NFIX: variants seen among roughly 807,000 people sequenced by gnomAD.
NFIX encodes the protein nuclear factor I X.
A neutral mutation model predicts 53.3 loss-of-function variants in NFIX; 2 were observed. The ratio of observed to expected loss-of-function variants is 0.04; its 90% CI spans 0.02 to 0.12. The LOEUF is 0.12. Among genes scored for constraint, NFIX ranks in the 10% least tolerant of loss-of-function variants. The probability of loss-of-function intolerance (pLI) is 1.00; values close to 1 mark genes in which losing one functional copy is unlikely to be tolerated. For missense variants in NFIX, 310 were observed against 674.5 expected, an observed-to-expected ratio of 0.46 and a Z score of 5.99; for synonymous variants, 244 against 289.0, an observed-to-expected ratio of 0.84 and a Z score of 1.58.
At chr19:13,080,352 C>T (rs2017384943) in intron 7 of NFIX, among the ~76,000 whole-genome samples, 1 of 152,148 alleles carries the variant, frequency 6.6e-6, no homozygotes, top group African/African-American at 2.4e-5. Flanking sequence ...CTTGAACTCC[C>T]AGACTCAAGT....
At chr19:13,031,958 T>G (rs371227720) in intron 2 of NFIX, among the ~76,000 whole-genome samples, 1 of 151,532 alleles carries the variant, frequency 6.6e-6, no homozygotes, top group African/African-American at 2.4e-5. Flanking sequence ...CTCTTTGCCC[T>G]GTCCGTCCCA....
At chr19:13,074,410 C>T (rs879763461) in intron 5 of NFIX, among the ~76,000 whole-genome samples, 6 of 152,270 alleles carry the variant, frequency 3.9e-5, no homozygotes, top group East Asian at 1.9e-4. Flanking sequence ...CACAGGCTGG[C>T]GGGGCACCCT....
At chr19:13,039,013 G>T (rs1317187568) in intron 2 of NFIX, among the ~76,000 whole-genome samples, 5 of 152,158 alleles carry the variant, frequency 3.3e-5, no homozygotes, top group Admixed American at 3.3e-4. Context: ...AACAGTGCTG[G>T]CTCCGAACAC....
chr19:13,068,836 A>G lies in NFIX; in HGVS notation c.560-4211A>G, dbSNP rs2016589365. ...TCTCACGAGTAGCCCAGGTCCCCAGAGAAGGACAGCCCGCAGAGCTGCGTG... is the reference window on the plus strand; with the variant it reads ...TCTCACGAGTAGCCCAGGTCCCCAGGGAAGGACAGCCCGCAGAGCTGCGTG... On this transcript the variant is annotated intron_variant, in intron 2 of 10. Transcript: ENST00000592199. The surrounding 1 kb of genome is among the most constrained non-coding windows in gnomAD (Gnocchi z 4.2). Among the ~76,000 whole-genome samples, 1 of 152,188 alleles carries G rather than the reference A, an allele frequency of 6.6e-6. No homozygotes were observed. The highest frequency in any genetic ancestry group is 1.5e-5 in the Non-Finnish European group (1 of 68,022).
rs1239022933 is a variant in NFIX, at chr19:13,013,595, A to C, written c.28-11426A>C. 1 of 148,428 alleles carries C rather than the reference A, an allele frequency of 6.7e-6. No individual in the cohort carries two copies. 9.2% of individuals were successfully genotyped at this position (148,428 alleles called of 1,614,324 possible). ...ACCCCCCGCCCCAAGCTCCCAGACC[A>C]CACTTAGCTTTTTTTTTCCCCCCTT... On this transcript the variant is annotated intron_variant, in intron 1 of 10. Transcript: ENST00000592199. This position sits in a 1 kb window ranked among gnomAD's most constrained non-coding sequence, Gnocchi z 5.9.
At chr19:13,000,405 C>T (rs754343807) in intron 1 of NFIX, among the ~76,000 whole-genome samples, 1 of 152,078 alleles carries the variant, frequency 6.6e-6, no homozygotes, top group South Asian at 2.1e-4. Flanking sequence ...CCATAGATAT[C>T]CAAGTGGACT....
chr19:13,034,420 A>G (rs2014033118), intron 2 of NFIX, among the ~76,000 whole-genome samples: 1 of 152,188 alleles, frequency 6.6e-6, no homozygotes, highest in African/African-American at 2.4e-5. Flanking sequence ...GACAGGGGCC[A>G]GGTTGGCTGG....
chr19:13,090,508 T>C lies in NFIX; in HGVS notation c.1494+118T>C. On this transcript the variant is annotated intron_variant, in intron 10 of 10. Coordinates refer to ENST00000592199, the MANE Select transcript of NFIX (RefSeq NM_001365902.3). The surrounding 1 kb of genome is among the most constrained non-coding windows in gnomAD (Gnocchi z 6.6). Reference sequence around the variant, plus strand: ...TGGGGCTAACAGGGAGAGAGAGGTCTGAGGTGGGGCTGGAGGGCCCAGGCT... The same window carrying C: ...TGGGGCTAACAGGGAGAGAGAGGTCCGAGGTGGGGCTGGAGGGCCCAGGCT... 1 of 998,816 alleles carries C rather than the reference T, an allele frequency of 1.0e-6. No individual in the cohort carries two copies. Among genetic ancestry groups the C allele is most frequent in the Non-Finnish European group, 1.6e-6 (1 of 638,376 alleles). The allele number at this position is 998,816 out of a possible 1,614,324, so 61.9% of individuals were successfully genotyped here.
At chr19:13,038,731 G>A (rs1016948361) in intron 2 of NFIX, among the ~76,000 whole-genome samples, 6 of 152,220 alleles carry the variant, frequency 3.9e-5, no homozygotes, top group African/African-American at 4.8e-5. Context: ...CATGCATAGC[G>A]TGGCCAACTG....
In NFIX at chr19:13,037,372, A is replaced by G. The variant is rs567702355; in HGVS notation, c.559+11820A>G. 6.6e-6 allele frequency among the ~76,000 whole-genome samples: 1 copy of G among 152,348 alleles called. No individual in the cohort carries two copies. Among genetic ancestry groups the G allele is most frequent in the Admixed American group, 6.5e-5 (1 of 15,308 alleles). ...GTAGTAGGCCAGTTTCAGCCTTAGT[A>G]ATCTAAGAAATATGTGAGCAATTTG... is the stretch of plus-strand genomic sequence containing the variant. On this transcript the variant is annotated intron_variant, in intron 2 of 10. Transcript: ENST00000592199. This position sits in a 1 kb window ranked among gnomAD's most constrained non-coding sequence, Gnocchi z 4.2.
rs1207826122 is a variant in NFIX, at chr19:13,067,459, CGCGCGTGTGTGTGTGTGTGTGTGCGT to C, written c.560-5586_560-5561del. 7.1e-6 allele frequency among the ~76,000 whole-genome samples: 1 copy of C among 141,384 alleles called. No homozygotes were observed. The highest frequency in any genetic ancestry group is 1.5e-5 in the Non-Finnish European group (1 of 66,018). 92.8% of individuals were successfully genotyped at this position (141,384 alleles called of 152,430 possible). On this transcript the variant is annotated intron_variant, in intron 2 of 10. Coordinates refer to ENST00000592199, the MANE Select transcript of NFIX (RefSeq NM_001365902.3). This position sits in a 1 kb window ranked among gnomAD's most constrained non-coding sequence, Gnocchi z 4.2. ...GGTTAGTGGCACCTCCGTGTGTGTG[CGCGCGTGTGTGTGTGTGTGTGTGCGT>C]GTGTGTGTGTGTGTGTGTGTATGTG...
At chr19:13,015,323 G>A (rs2012599543) in intron 1 of NFIX, among the ~76,000 whole-genome samples, 1 of 152,018 alleles carries the variant, frequency 6.6e-6, no homozygotes, top group African/African-American at 2.4e-5. Context: ...AAAGTGAGGG[G>A]GGAACCAGCT....
In NFIX at chr19:13,018,740, A is replaced by G. The variant is rs142073910; in HGVS notation, c.28-6281A>G. ...GCGTCATGTCTGCAGTTCCCTTCCC[A>G]TCTCTGGCCGCTGTCTGGCCACTGT... On this transcript the variant is annotated intron_variant, in intron 1 of 10. Transcript: ENST00000592199. Among the ~76,000 whole-genome samples the G allele has an allele frequency of 3.4e-3, 525 of 152,196 alleles. 5 individuals are homozygous for G. Among genetic ancestry groups the G allele is most frequent in the African/African-American group, 0.012 (509 of 41,514 alleles).
chr19:13,066,795 G>T lies in NFIX; in HGVS notation c.560-6252G>T, dbSNP rs894166465. 2.0e-5 allele frequency among the ~76,000 whole-genome samples: 3 copies of T among 152,216 alleles called. No homozygotes were observed. The highest frequency in any genetic ancestry group is 3.9e-4 in the East Asian group (2 of 5,170). ...CATGCATGGTGGCTGGTGGAGCAGG[G>T]TGAGGAATGGAGAGAAGGAGAGGAA... On this transcript the variant is annotated intron_variant, in intron 2 of 10. Transcript: ENST00000592199. This position sits in a 1 kb window ranked among gnomAD's most constrained non-coding sequence, Gnocchi z 4.2.
In NFIX at chr19:13,014,038, T is replaced by C. The variant is rs991570557; in HGVS notation, c.28-10983T>C. ...AGGGTTAGAATATATCATTGGCTAA[T>C]GTGTGTGGTTTTCTTTTTAAATAAT... On this transcript the variant is annotated intron_variant, in intron 1 of 10. Coordinates refer to ENST00000592199, the MANE Select transcript of NFIX (RefSeq NM_001365902.3). The surrounding 1 kb of genome is among the most constrained non-coding windows in gnomAD (Gnocchi z 4.4). Among the ~76,000 whole-genome samples, 2 of 152,250 alleles carry C rather than the reference T, an allele frequency of 1.3e-5. No individual in the cohort carries two copies. Among genetic ancestry groups the C allele is most frequent in the African/African-American group, 4.8e-5 (2 of 41,466 alleles).
At chr19:13,035,717 G>A (rs939143558) in intron 2 of NFIX, among the ~76,000 whole-genome samples, 1 of 152,010 alleles carries the variant, frequency 6.6e-6, no homozygotes, top group African/African-American at 2.4e-5. Context: ...ACTTCACTTC[G>A]CAGATCCATG....
chr19:13,084,635 A>G (rs2017665273), intron 8 of NFIX, among the ~76,000 whole-genome samples: 1 of 152,074 alleles, frequency 6.6e-6, no homozygotes, highest in African/African-American at 2.4e-5. Flanking sequence ...GGGAGAAGGA[A>G]GAGACTGCCA....
rs1020254720 is a variant in NFIX, at chr19:13,024,733, G to T, written c.28-288G>T. 2.6e-6 allele frequency: 4 copies of T among 1,529,562 alleles called. No homozygotes were observed. The East Asian group carries it at 9.8e-5, about 37-fold the overall frequency. The allele number at this position is 1,529,562 out of a possible 1,614,324, so 94.7% of individuals were successfully genotyped here. A position where few individuals can be genotyped will look rare whatever the true frequency, so the allele number is the denominator to read the frequency against. On this transcript the variant is annotated intron_variant, in intron 1 of 10. Transcript: ENST00000592199. ...GTGCGCGTGTGTGTGAGTGAGTGAGGGAGAGAGAGAGAGAATAGGTGTGTG... is the reference window on the plus strand; with the variant it reads ...GTGCGCGTGTGTGTGAGTGAGTGAGTGAGAGAGAGAGAGAATAGGTGTGTG...
chr19:13,026,724 TTCTC>T (rs34744744), intron 2 of NFIX, among the ~76,000 whole-genome samples: 30 of 146,026 alleles, frequency 2.1e-4, no homozygotes, highest in African/African-American at 5.6e-4. Context: ...TACCAAACCT[TTCTC>T]TCTCTCTCTC....
Sources: gnomAD v4.1 joint callset for allele counts (sites outside exome capture counted in the v4.1 genomes callset) on GRCh38, gnomAD v4.1.1 for gene constraint, Gnocchi (gnomAD v3.1) non-coding constraint, MANE v1.5 for transcripts, NCBI Gene and HGNC (gene_info 2026-07-23, HGNC 2026-07-21) for gene names.